Variants in SSBP2 observed in about 807,000 individuals in gnomAD.
The protein encoded by SSBP2 is single stranded DNA binding protein 2.
SSBP2 carries 17 observed loss-of-function variants against 61.8 expected under a neutral mutation model. The observed-to-expected ratio is 0.28, with a 90% CI of 0.19 to 0.41. The LOEUF is 0.41. Among genes scored for constraint, SSBP2 ranks in the 10% least tolerant of loss-of-function variants. The pLI, the probability that SSBP2 is intolerant of heterozygous loss-of-function variation, is 1.00. For missense variants in SSBP2, 310 were observed against 458.7 expected, an observed-to-expected ratio of 0.68 and a Z score of 2.96; for synonymous variants, 139 against 141.3, an observed-to-expected ratio of 0.98 and a Z score of 0.12.
At chr5:81,469,597 A>G (rs11950300) in intron 8 of SSBP2, among the ~76,000 whole-genome samples, 2,527 of 152,064 alleles carry the variant, frequency 0.017, 45 homozygotes, top group South Asian at 0.098. Flanking sequence ...TGAAGGCAGC[A>G]TATCTATGTT....
intron 4 of SSBP2, among the ~76,000 whole-genome samples, chr5:81,542,224 C>A (rs1409129224): frequency 1.3e-5 from 2 of 152,144 alleles, no homozygotes; most frequent in African/African-American, 4.8e-5. Context: ...GATACCATCT[C>A]ACCCAGTGAG....
chr5:81,432,922 G>C (rs1484032761), intron 15 of SSBP2, among the ~76,000 whole-genome samples: 3 of 147,592 alleles, frequency 2.0e-5, no homozygotes, highest in African/African-American at 7.6e-5. Flanking sequence ...CACCCCGTCC[G>C]GGAGGGAGGT....
At chr5:81,565,879 A>G (rs191181963) in intron 4 of SSBP2, among the ~76,000 whole-genome samples, 110 of 152,306 alleles carry the variant, frequency 7.2e-4, no homozygotes, top group Non-Finnish European at 1.3e-3. Context: ...TCTAGTCACC[A>G]TATTTCCTCC....
intron 3 of SSBP2, among the ~76,000 whole-genome samples, chr5:81,626,486 G>T (rs972759125): frequency 1.1e-4 from 17 of 152,190 alleles, no homozygotes; most frequent in African/African-American, 3.9e-4. Flanking sequence ...TGTTTCTAAC[G>T]TGAGTGTGGT....
At chr5:81,436,289 G>A (rs1013664088) in intron 15 of SSBP2, among the ~76,000 whole-genome samples, 1 of 151,230 alleles carries the variant, frequency 6.6e-6, no homozygotes, top group Non-Finnish European at 1.5e-5. Context: ...AAGTTACATA[G>A]GCAATTTTGT....
chr5:81,547,560 G>A (rs6452417), intron 4 of SSBP2, among the ~76,000 whole-genome samples: 8,007 of 152,138 alleles, frequency 0.053, 394 homozygotes, highest in African/African-American at 0.12. Context: ...TTCAACTCCT[G>A]GGCTTGAGCA....
intron 1 of SSBP2, among the ~76,000 whole-genome samples, chr5:81,750,520 G>T (rs1173097193): frequency 8.3e-6 from 1 of 121,062 alleles, no homozygotes; most frequent in African/African-American, 3.1e-5. Context: ...CGCGCTGCCC[G>T]CCCCGACCCC....
At chr5:81,422,410 A>G (rs1761670129) in intron 16 of SSBP2, among the ~76,000 whole-genome samples, 1 of 152,180 alleles carries the variant, frequency 6.6e-6, no homozygotes, top group South Asian at 2.1e-4. Flanking sequence ...TAGGGCTCAA[A>G]CCAAAAACAT....
rs1245840677 is a variant in SSBP2 at position 81,488,465 on chromosome 5, T to C, written c.432+785A>G. On this transcript the variant is annotated intron_variant, in intron 6 of 16. Transcript: ENST00000320672. ...TGTGATTTTGATTTGCATTTCCTTA[T>C]GATTAGTGATATTGAGCACCTTTTC... 2.0e-5 allele frequency among the ~76,000 whole-genome samples: 3 copies of C among 152,130 alleles called. No individual in the cohort carries two copies. In the East Asian group the frequency reaches 5.8e-4, roughly 29 times the overall value.
At chr5:81,611,824 C>G (rs76031268) in intron 4 of SSBP2, among the ~76,000 whole-genome samples, 1,558 of 152,100 alleles carry the variant, frequency 0.01, 37 homozygotes, top group African/African-American at 0.035. Flanking sequence ...CTCTTTTCCA[C>G]ATTAGTTTCT....
intron 1 of SSBP2, among the ~76,000 whole-genome samples, chr5:81,658,421 C>CA (rs1312756625): frequency 2.6e-5 from 4 of 152,078 alleles, no homozygotes; most frequent in African/African-American, 9.7e-5. Flanking sequence ...CACAGATGCT[C>CA]AAGTCCCTTA....
intron 4 of SSBP2, among the ~76,000 whole-genome samples, chr5:81,543,549 G>A (rs1326127495): frequency 6.6e-6 from 1 of 151,988 alleles, no homozygotes. Flanking sequence ...TCACTATTGG[G>A]TACTATGCTC....
intron 16 of SSBP2, among the ~76,000 whole-genome samples, chr5:81,426,410 T>G (rs1445257058): frequency 6.6e-6 from 1 of 152,308 alleles, no homozygotes; most frequent in Non-Finnish European, 1.5e-5. Flanking sequence ...TTTTTCCTTT[T>G]ACAACATTTC....
chr5:81,448,556 T>G (rs1211477864), intron 11 of SSBP2, among the ~76,000 whole-genome samples: 2 of 152,194 alleles, frequency 1.3e-5, no homozygotes, highest in Non-Finnish European at 2.9e-5. Context: ...TGTACTGGTT[T>G]TCAGAAACAT....
intron 1 of SSBP2, among the ~76,000 whole-genome samples, chr5:81,663,316 T>TA (rs1400936765): frequency 2.0e-5 from 3 of 152,198 alleles, no homozygotes; most frequent in African/African-American, 7.2e-5. Context: ...ATGTATATAA[T>TA]ACGACTATAT....
intron 16 of SSBP2, among the ~76,000 whole-genome samples, chr5:81,427,606 T>C (rs1171198811): frequency 2.6e-5 from 4 of 152,214 alleles, no homozygotes; most frequent in Non-Finnish European, 2.9e-5. Flanking sequence ...CTCTGGTAAA[T>C]GCTGAGTTGG....
At chr5:81,675,955 C>A (rs909669643) in intron 1 of SSBP2, among the ~76,000 whole-genome samples, 7 of 152,156 alleles carry the variant, frequency 4.6e-5, no homozygotes, top group East Asian at 1.9e-4. Flanking sequence ...CCCACTACGT[C>A]AGTCAATAGA....
chr5:81,454,994 G>A (rs962415111), intron 10 of SSBP2, among the ~76,000 whole-genome samples: 2 of 152,092 alleles, frequency 1.3e-5, no homozygotes, highest in African/African-American at 4.8e-5. Flanking sequence ...AAGAAAAGTA[G>A]CTAAGGAAGA....
intron 3 of SSBP2, among the ~76,000 whole-genome samples, chr5:81,627,680 T>TTA (rs1205991669): frequency 6.6e-6 from 1 of 152,208 alleles, no homozygotes; most frequent in Non-Finnish European, 1.5e-5. Context: ...CTCTACAATG[T>TTA]TATATATATT....
Sources: gnomAD v4.1 joint callset for allele counts (sites outside exome capture counted in the v4.1 genomes callset) on GRCh38, gnomAD v4.1.1 for gene constraint, MANE v1.5 for transcripts, NCBI Gene and HGNC (gene_info 2026-07-23, HGNC 2026-07-21) for gene names.